The following FMN2 variants were observed in gnomAD, a reference collection of about 807,000 sequenced individuals.
The protein encoded by FMN2 is formin 2, also known as formin-2.
Under a neutral mutation model 142.3 loss-of-function variants are expected in FMN2, and 51 were observed. That is an observed-to-expected ratio of 0.36 (90% CI 0.29 to 0.45). The LOEUF is 0.45. Ranked by LOEUF, FMN2 falls within the 20% of genes least tolerant of loss-of-function variation. FMN2 has a pLI of 1.00. For missense variants in FMN2, 1,936 were observed against 2,122.8 expected (o/e 0.91, Z 1.73); for synonymous variants, 882 against 869.8 (o/e 1.01, Z -0.25).
At chr1:240,287,468 T>C (rs1017419469) in intron 7 of FMN2, among the ~76,000 whole-genome samples, 22 of 152,206 alleles carry the variant, frequency 1.4e-4, no homozygotes, top group African/African-American at 5.1e-4. Flanking sequence ...TGATTTGTAC[T>C]CATTTTGTGT....
At chr1:240,471,190 A>G (rs1188181564) in intron 16 of FMN2, among the ~76,000 whole-genome samples, 1 of 152,202 alleles carries the variant, frequency 6.6e-6, no homozygotes, top group Non-Finnish European at 1.5e-5. Context: ...AAACATTAAA[A>G]TGTTATTACT....
intron 1 of FMN2, among the ~76,000 whole-genome samples, chr1:240,100,628 T>C (rs1409755239): frequency 6.6e-6 from 1 of 152,228 alleles, no homozygotes; most frequent in Non-Finnish European, 1.5e-5. Context: ...TTTTGATACC[T>C]ACTGCTCCAC....
intron 8 of FMN2, among the ~76,000 whole-genome samples, chr1:240,299,737 C>T (rs978170511): frequency 2.6e-4 from 39 of 151,904 alleles, no homozygotes; most frequent in Admixed American, 9.9e-4. Flanking sequence ...TTTGAGTGTC[C>T]GCTGGACTGA....
intron 2 of FMN2, among the ~76,000 whole-genome samples, chr1:240,135,185 C>T (rs1662888719): frequency 1.3e-5 from 2 of 152,182 alleles, no homozygotes; most frequent in Non-Finnish European, 1.5e-5. Flanking sequence ...TCTAGAATTC[C>T]TAAGACAGGG....
At chr1:240,107,942 CA>C (rs1315659578) in intron 1 of FMN2, among the ~76,000 whole-genome samples, 3 of 152,234 alleles carry the variant, frequency 2.0e-5, no homozygotes, top group Non-Finnish European at 4.4e-5. Context: ...AACATAAATG[CA>C]TCAAACGTGC....
chr1:240,262,302 T>C (rs559772911), intron 7 of FMN2, among the ~76,000 whole-genome samples: 1 of 152,254 alleles, frequency 6.6e-6, no homozygotes, highest in East Asian at 1.9e-4. Flanking sequence ...GCTGGATCAC[T>C]TCTCTGAGTT....
intron 1 of FMN2, among the ~76,000 whole-genome samples, chr1:240,112,347 G>T (rs1661844911): frequency 6.6e-6 from 1 of 151,952 alleles, no homozygotes; most frequent in African/African-American, 2.4e-5. Flanking sequence ...GGCCAGGTTG[G>T]TCTCGATCTC....
At chr1:240,143,708 G>T in intron 2 of FMN2, 1 of 1,584,570 alleles carries the variant, frequency 6.3e-7, no homozygotes, top group Non-Finnish European at 8.7e-7. Context: ...AGTCCAAGAG[G>T]AAGCCAACGA....
chr1:240,153,086 C>T (rs1028499909), intron 2 of FMN2, among the ~76,000 whole-genome samples: 5 of 152,068 alleles, frequency 3.3e-5, no homozygotes, highest in Admixed American at 6.5e-5. Flanking sequence ...AATCCCCAGG[C>T]GGGTCTGAGT....
intron 8 of FMN2, among the ~76,000 whole-genome samples, chr1:240,296,991 C>T (rs138441466): frequency 6.6e-6 from 1 of 152,270 alleles, no homozygotes. Context: ...AGAGAGTTTT[C>T]ATTTCTCTTG....
intron 2 of FMN2, chr1:240,154,579 A>G (rs1293914941): frequency 6.6e-6 from 1 of 152,170 alleles, no homozygotes; most frequent in East Asian, 1.9e-4. Flanking sequence ...GGGCATCTTC[A>G]TAGGCACATC....
chr1:240,244,944 C>A (rs1668029452), intron 6 of FMN2, among the ~76,000 whole-genome samples: 1 of 152,200 alleles, frequency 6.6e-6, no homozygotes, highest in South Asian at 2.1e-4. Context: ...TACAATATAT[C>A]AATCATTGTG....
At chr1:240,353,289 C>G (rs1158283455) in intron 13 of FMN2, among the ~76,000 whole-genome samples, 2 of 152,212 alleles carry the variant, frequency 1.3e-5, no homozygotes, top group Admixed American at 6.5e-5. Flanking sequence ...AGTGGCTGAT[C>G]ATCACACTAA....
intron 16 of FMN2, among the ~76,000 whole-genome samples, chr1:240,445,792 G>GT (rs1409147982): frequency 6.6e-6 from 1 of 151,550 alleles, no homozygotes; most frequent in Non-Finnish European, 1.5e-5. Flanking sequence ...AAATTGGAGA[G>GT]TGGAGAGTGC....
intron 6 of FMN2, among the ~76,000 whole-genome samples, chr1:240,234,652 C>G (rs1245781022): frequency 7.9e-5 from 12 of 152,126 alleles, no homozygotes; most frequent in Non-Finnish European, 1.8e-4. Flanking sequence ...CCAACCCCCC[C>G]ACTACAAATG....
At chr1:240,384,837 GT>G in intron 14 of FMN2, among the ~76,000 whole-genome samples, 1 of 152,104 alleles carries the variant, frequency 6.6e-6, no homozygotes, top group East Asian at 1.9e-4. Flanking sequence ...TTCTTACAGG[GT>G]TTTATTATCT....
chr1:240,263,557 G>A (rs906654679), intron 7 of FMN2, among the ~76,000 whole-genome samples: 3 of 152,162 alleles, frequency 2.0e-5, no homozygotes, highest in African/African-American at 7.2e-5. Context: ...TCAGACATTA[G>A]TATGCGTATT....
chr1:240,285,136 G>A (rs996590642), intron 7 of FMN2: 9 of 438,284 alleles, frequency 2.1e-5, no homozygotes, highest in African/African-American at 1.2e-4. Context: ...TTAGGAGGGT[G>A]TTGCAAGAAT....
intron 6 of FMN2, 147 bp downstream of exon 6, chr1:240,211,382 T>TG: frequency 2.8e-6 from 2 of 705,348 alleles, no homozygotes; most frequent in East Asian, 5.5e-5. Context: ...TTAGAACATG[T>TG]GGTTAAGTAA....
Sources: allele counts gnomAD v4.1 joint callset (sites outside exome capture counted in the v4.1 genomes callset), GRCh38; gene constraint gnomAD v4.1.1; transcripts MANE v1.5; gene names NCBI Gene and HGNC (gene_info 2026-07-23, HGNC 2026-07-21).